Variants in PALM2AKAP2 observed in about 807,000 individuals in gnomAD.
PALM2AKAP2 encodes the protein PALM2-AKAP2 fusion protein.
Under a neutral mutation model 71.5 loss-of-function variants are expected in PALM2AKAP2, and 37 were observed. The ratio of observed to expected loss-of-function variants is 0.52; its 90% CI spans 0.40 to 0.68. The LOEUF (loss-of-function observed/expected upper bound fraction) is 0.68, where lower values mean the gene tolerates loss of function less well. Ranked by LOEUF, PALM2AKAP2 falls within the 30% of genes least tolerant of loss-of-function variation. The pLI is 0.00. For missense variants in PALM2AKAP2, 1,224 were observed against 1,191.8 expected (o/e 1.03, Z -0.40); for synonymous variants, 468 against 478.8 (o/e 0.98, Z 0.29).
chr9:109,965,965 G>C (rs2132133368), intron 6 of PALM2AKAP2, among the ~76,000 whole-genome samples: 1 of 152,314 alleles, frequency 6.6e-6, no homozygotes, highest in Admixed American at 6.5e-5. Context: ...CCAGCCAGGA[G>C]GAAATGTGTA....
chr9:109,699,782 T>A (rs9721961), intron 1 of PALM2AKAP2, among the ~76,000 whole-genome samples: 2,014 of 47,364 alleles, frequency 0.043, 30 homozygotes, highest in Non-Finnish European at 0.062. Context: ...TTATTTATTT[T>A]TTTTTTTTTT....
chr9:110,016,643 G>C (rs1362213527), intron 7 of PALM2AKAP2, among the ~76,000 whole-genome samples: 1 of 152,156 alleles, frequency 6.6e-6, no homozygotes, highest in Admixed American at 6.5e-5. Context: ...CCAGAATAAA[G>C]AATCTGTAGC....
At chr9:109,842,503 C>G (rs548675007) in intron 1 of PALM2AKAP2, among the ~76,000 whole-genome samples, 110 of 152,232 alleles carry the variant, frequency 7.2e-4, no homozygotes, top group South Asian at 1.9e-3. Flanking sequence ...CTCAACAAAC[C>G]CTGTTTCAAC....
intron 1 of PALM2AKAP2, among the ~76,000 whole-genome samples, chr9:110,103,692 G>A (rs144913215): frequency 1.3e-5 from 2 of 152,254 alleles, no homozygotes; most frequent in African/African-American, 4.8e-5. Context: ...TACTTTACCT[G>A]GAATTTTTAT....
chr9:110,058,487 C>A (rs1833892895), intron 1 of PALM2AKAP2, among the ~76,000 whole-genome samples: 1 of 152,138 alleles, frequency 6.6e-6, no homozygotes, highest in Non-Finnish European at 1.5e-5. Context: ...CTTGCCCTGG[C>A]CTTTGTCCTA....
upstream of PALM2AKAP2, among the ~76,000 whole-genome samples, chr9:109,777,199 T>C (rs184401292): frequency 1.2e-4 from 19 of 152,320 alleles, no homozygotes; most frequent in East Asian, 2.7e-3. Flanking sequence ...TCACTTAACC[T>C]CTCTCCTGAG....
At chr9:110,128,792 C>T (rs796679799) in intron 1 of PALM2AKAP2, among the ~76,000 whole-genome samples, 2 of 152,308 alleles carry the variant, frequency 1.3e-5, no homozygotes, top group African/African-American at 2.4e-5. Flanking sequence ...TTCTGCTCTC[C>T]GCCTGGGCTC....
intron 6 of PALM2AKAP2, among the ~76,000 whole-genome samples, chr9:109,941,138 T>G (rs2132036907): frequency 6.8e-6 from 1 of 147,494 alleles, no homozygotes; most frequent in South Asian, 2.2e-4. Context: ...TTCTTCTTCT[T>G]CCTCTTCTTT....
At chr9:110,159,006 A>G (rs936441178) in intron 3 of PALM2AKAP2, among the ~76,000 whole-genome samples, 3 of 152,168 alleles carry the variant, frequency 2.0e-5, no homozygotes, top group Non-Finnish European at 2.9e-5. Context: ...ATCTGTGTCA[A>G]TCACTGGTGA....
At chr9:110,118,596 C>T (rs1357471222) in intron 1 of PALM2AKAP2, among the ~76,000 whole-genome samples, 1 of 152,146 alleles carries the variant, frequency 6.6e-6, no homozygotes, top group Non-Finnish European at 1.5e-5. Context: ...GCCTAATCAC[C>T]CATCAGGAGT....
At chr9:110,127,062 G>A (rs1835622686) in intron 1 of PALM2AKAP2, among the ~76,000 whole-genome samples, 1 of 152,156 alleles carries the variant, frequency 6.6e-6, no homozygotes, top group East Asian at 1.9e-4. Flanking sequence ...TGAGGCATAA[G>A]ACAGAGAGAA....
chr9:109,954,658 T>TAA (rs56743395), intron 6 of PALM2AKAP2, among the ~76,000 whole-genome samples: 2,240 of 107,636 alleles, frequency 0.021, 41 homozygotes, highest in African/African-American at 0.069. Context: ...TAAAGTATAA[T>TAA]AAAAAAAAAA....
chr9:109,710,991 T>C (rs989012253), intron 1 of PALM2AKAP2, among the ~76,000 whole-genome samples: 2 of 152,206 alleles, frequency 1.3e-5, no homozygotes, highest in Admixed American at 1.3e-4. Context: ...TTTGTAGCAC[T>C]ACATGCATGC....
At chr9:110,065,043 C>T (rs1355163303) in intron 1 of PALM2AKAP2, among the ~76,000 whole-genome samples, 1 of 152,184 alleles carries the variant, frequency 6.6e-6, no homozygotes, top group African/African-American at 2.4e-5. Context: ...CGTTGAATGG[C>T]TTGTCCCCAT....
chr9:109,871,405 G>A (rs1829600053), intron 2 of PALM2AKAP2, among the ~76,000 whole-genome samples: 1 of 152,140 alleles, frequency 6.6e-6, no homozygotes, highest in African/African-American at 2.4e-5. Context: ...TTAGCTATAC[G>A]TAGTGTGGTG....
intron 1 of PALM2AKAP2, among the ~76,000 whole-genome samples, chr9:109,782,573 T>A (rs951811918): frequency 6.6e-6 from 1 of 152,278 alleles, no homozygotes; most frequent in African/African-American, 2.4e-5. Context: ...AAATGATTAA[T>A]GTATGTGGGA....
chr9:109,966,286 CAAAAG>C (rs1365374218), intron 6 of PALM2AKAP2, among the ~76,000 whole-genome samples: 1 of 152,030 alleles, frequency 6.6e-6, no homozygotes, highest in African/African-American at 2.4e-5. Context: ...GGTGGCTGTG[CAAAAG>C]AAAAGGGAGA....
chr9:109,826,940 A>G (rs936465098), intron 1 of PALM2AKAP2, among the ~76,000 whole-genome samples: 1 of 152,220 alleles, frequency 6.6e-6, no homozygotes, highest in African/African-American at 2.4e-5. Context: ...CTGATTGATT[A>G]TGAAATGAGA....
At chr9:110,058,126 G>A (rs1439511149) in intron 1 of PALM2AKAP2, among the ~76,000 whole-genome samples, 1 of 152,128 alleles carries the variant, frequency 6.6e-6, no homozygotes, top group Non-Finnish European at 1.5e-5. Flanking sequence ...TGGTCTAATT[G>A]TCTAGATGTA....
Sources: allele counts gnomAD v4.1 joint callset (sites outside exome capture counted in the v4.1 genomes callset), GRCh38; gene constraint gnomAD v4.1.1; transcripts MANE v1.5; gene names NCBI Gene and HGNC (gene_info 2026-07-23, HGNC 2026-07-21).